UBR4: variants seen among roughly 807,000 people sequenced by gnomAD.
UBR4 encodes E3 ubiquitin-protein ligase UBR4.
UBR4 carries 124 observed loss-of-function variants against 575.6 expected under a neutral mutation model. The observed-to-expected ratio is 0.22, with a 90% CI of 0.19 to 0.25. The LOEUF is 0.25. Ranked by LOEUF, UBR4 falls within the 10% of genes least tolerant of loss-of-function variation. The probability of loss-of-function intolerance (pLI) is 1.00; values close to 1 mark genes in which losing one functional copy is unlikely to be tolerated. For synonymous variants in UBR4, 2,455 were observed against 2,473.7 expected (o/e 0.99, Z 0.22); for missense variants, 4,818 against 6,478.8 (o/e 0.74, Z 8.80).
At chr1:19,095,436 G>A in intron 93 of UBR4, 109 bp downstream of exon 93, 1 of 1,051,242 alleles carries the variant, frequency 9.5e-7, no homozygotes, top group African/African-American at 1.6e-5. Context: ...GAGAGATGAA[G>A]GGCTTGAAGA....
In UBR4 at chr1:19,173,661, T is replaced by C. The variant is rs746460594; in HGVS notation, c.2983-40A>G. ...AGCAGCATAGAGGTAGCACTTGGTA[T>C]GGCCTCAAGATCTCCCTCACAGTAC... On this transcript the variant is annotated intron_variant, in intron 22 of 105. Coordinates refer to ENST00000375254, the MANE Select transcript of UBR4 (RefSeq NM_020765.3). 1.0e-5 allele frequency: 16 copies of C among 1,596,326 alleles called. No homozygotes were observed. In the East Asian group the frequency reaches 1.3e-4, roughly 13 times the overall value.
chr1:19,163,270 C>A (rs1050344259), intron 34 of UBR4, among the ~76,000 whole-genome samples: 1 of 152,182 alleles, frequency 6.6e-6, no homozygotes, highest in Admixed American at 6.5e-5. Context: ...GCCACCTATG[C>A]CAGTTCATGG....
chr1:19,115,277 A>T (rs750595359), intron 74 of UBR4, 121 bp downstream of exon 74: 1 of 1,422,746 alleles, frequency 7.0e-7, no homozygotes, highest in Non-Finnish European at 9.3e-7. Flanking sequence ...CACTCTACAA[A>T]CCCATAATTC....
rs2076833354 is a variant in UBR4, at chr1:19,084,648, T to A, written c.14864A>T (p.Gln4955Leu). Residue 4955 changes from glutamine to leucine, a missense_variant, in exon 102 of 106, where the codon CAG becomes CTG. Physicochemically the swap from Gln to Leu is moderately radical, Grantham distance 113. Transcript: ENST00000375254. Reference sequence around the variant, plus strand: ...CAGTTTGATGTCATGGATGTTGAGCTGATACGTGGGCTCCCGCTGGCCTGT... The same window carrying A: ...CAGTTTGATGTCATGGATGTTGAGCAGATACGTGGGCTCCCGCTGGCCTGT... ...ECTGQREPTY[Q>L]LNIHDIKLLF... The A allele has an allele frequency of 6.2e-7, 1 of 1,613,942 alleles. No homozygotes were observed.
In UBR4 at chr1:19,138,064, T is replaced by C; in HGVS notation, c.8849A>G (p.Asp2950Gly). Residue 2950 changes from aspartate to glycine, a missense_variant, in exon 60 of 106, where the codon GAT becomes GGT. Physicochemically the swap from Asp to Gly is moderately conservative, Grantham distance 94. Around this residue, in one of 29 missense-constraint regions of UBR4, gnomAD observed 87 missense variants for 82.8 expected, o/e 1.05. Transcript: ENST00000375254. ...TCCTTCTCCTTCTCCCTCGGAGCCA[T>C]CTCCCTCCTGGTGCCCAGTGGTGGT... ...ISTTTGHQEGDGSEGEGEGET... is the reference protein window; with the variant it reads ...ISTTTGHQEGGGSEGEGEGET... The C allele has an allele frequency of 1.9e-6, 3 of 1,593,962 alleles. No homozygotes were observed. The highest frequency in any genetic ancestry group is 2.6e-6 in the Non-Finnish European group (3 of 1,167,252).
Position 19,210,121 on chromosome 1 carries a change from G to A in UBR4, c.128C>T (p.Ala43Val). 1 of 1,586,810 alleles carries A rather than the reference G, an allele frequency of 6.3e-7. No individual in the cohort carries two copies. The highest frequency in any genetic ancestry group is 1.1e-5 in the South Asian group (1 of 88,384). Residue 43 changes from alanine to valine, a missense_variant, in exon 1 of 106, where the codon GCC becomes GTC. Ala to Val is a moderately conservative substitution (Grantham distance 64, BLOSUM62 0). Transcript: ENST00000375254. ...VRPLLSASYSAFEMKELPQLV... is the reference protein window; with the variant it reads ...VRPLLSASYSVFEMKELPQLV... ...CTGCGGCAACTCCTTCATCTCGAAG[G>A]CGGAGTAGGACGCGGACAGCAGGGG...
Position 19,076,813 on chromosome 1 carries a change from G to C in UBR4, c.15414C>G (p.Ala5138=), listed in dbSNP as rs769482416. 6.2e-7 allele frequency: 1 copy of C among 1,613,730 alleles called. No individual in the cohort carries two copies. The highest frequency in any genetic ancestry group is 2.2e-5 in the East Asian group (1 of 44,866). The change falls in exon 105 of 106, where the codon GCC becomes GCG. Residue 5138 remains alanine (A), a synonymous_variant. Coordinates refer to ENST00000375254, the MANE Select transcript of UBR4 (RefSeq NM_020765.3). ...CCTGGAAGGTTTTCAGGGCTTTGTCGGCAGCTTCGTAGATGGGCATGTCGT... is the reference window on the plus strand; with the variant it reads ...CCTGGAAGGTTTTCAGGGCTTTGTCCGCAGCTTCGTAGATGGGCATGTCGT... ...RHNDMPIYEA[A]DKALKTFQEE... is the part of the protein sequence containing the mutation.
At chr1:19,156,635 TC>T in intron 41 of UBR4, 131 bp downstream of exon 41, 2 of 1,391,870 alleles carry the variant, frequency 1.4e-6, no homozygotes, top group Non-Finnish European at 1.9e-6. Context: ...AAAGAAAAAT[TC>T]CTTTTGCATT....
chr1:19,124,430 G>C, intron 65 of UBR4, 111 bp downstream of exon 65: 1 of 1,419,558 alleles, frequency 7.0e-7, no homozygotes, highest in South Asian at 1.4e-5. Flanking sequence ...AAGGTGAAAG[G>C]GACTCTGCAA....
chr1:19,143,800 A>G (rs567936121), intron 55 of UBR4, among the ~76,000 whole-genome samples, 180 bp downstream of exon 55: 3 of 152,142 alleles, frequency 2.0e-5, no homozygotes, highest in Non-Finnish European at 4.4e-5. Context: ...CCTACTTACT[A>G]TATACATTTT....
chr1:19,083,788 G>C (rs1291774332), intron 102 of UBR4, among the ~76,000 whole-genome samples: 1 of 152,174 alleles, frequency 6.6e-6, no homozygotes, highest in East Asian at 1.9e-4. Flanking sequence ...CCAAGTGCTG[G>C]GATGACAGGC....
intron 83 of UBR4, among the ~76,000 whole-genome samples, chr1:19,106,070 G>A (rs2079159652): frequency 6.6e-6 from 1 of 152,220 alleles, no homozygotes; most frequent in Non-Finnish European, 1.5e-5. Flanking sequence ...TCCATCAGGA[G>A]ATGTGAAGAA....
intron 81 of UBR4, among the ~76,000 whole-genome samples, chr1:19,108,405 G>A (rs189302155): frequency 1.4e-4 from 22 of 151,796 alleles, no homozygotes; most frequent in Non-Finnish European, 2.1e-4. Flanking sequence ...AAGCACAAGC[G>A]GAGATCCATG....
chr1:19,178,992 TCAAA>T, intron 18 of UBR4, 55 bp downstream of exon 18: 1 of 1,580,300 alleles, frequency 6.3e-7, no homozygotes, highest in Non-Finnish European at 8.6e-7. Flanking sequence ...TACAAAGAAG[TCAAA>T]CAAATAAAAA....
chr1:19,110,625 G>T lies in UBR4; in HGVS notation c.11892+117C>A. On this transcript the variant is annotated intron_variant, in intron 79 of 105. Coordinates refer to ENST00000375254, the MANE Select transcript of UBR4 (RefSeq NM_020765.3). This position sits in a 1 kb window ranked among gnomAD's most constrained non-coding sequence, Gnocchi z 4.5. ...TCTTCCCTGGGAAAACCATTCTGGG[G>T]TAATGTTCTGCTCCTTCCCTCCTCA... 7.2e-7 allele frequency: 1 copy of T among 1,382,228 alleles called. No individual in the cohort carries two copies. Among genetic ancestry groups the T allele is most frequent in the Non-Finnish European group, 1.0e-6 (1 of 974,860 alleles). The allele number at this position is 1,382,228 out of a possible 1,614,324, so 85.6% of individuals were successfully genotyped here. A position where few individuals can be genotyped will look rare whatever the true frequency, so the allele number is the denominator to read the frequency against.
chr1:19,173,632 G>C lies in UBR4; in HGVS notation c.2983-11C>G. 1 of 1,613,730 alleles carries C rather than the reference G, an allele frequency of 6.2e-7. No homozygotes were observed. The highest frequency in any genetic ancestry group is 1.3e-5 in the African/African-American group (1 of 75,044). On this transcript the variant is annotated splice_polypyrimidine_tract_variant and intron_variant, in intron 22 of 105. Coordinates refer to ENST00000375254, the MANE Select transcript of UBR4 (RefSeq NM_020765.3). Reference sequence around the variant, plus strand: ...AAGGGCACAGGCCTCCTGGAGAAAGGAAAAGCAGCATAGAGGTAGCACTTG... The same window carrying C: ...AAGGGCACAGGCCTCCTGGAGAAAGCAAAAGCAGCATAGAGGTAGCACTTG...
intron 70 of UBR4, among the ~76,000 whole-genome samples, 195 bp from the exon 71 acceptor site, chr1:19,119,152 G>C (rs1185126057): frequency 6.6e-6 from 1 of 152,196 alleles, no homozygotes; most frequent in Admixed American, 6.5e-5. Flanking sequence ...ATGAGCTTTA[G>C]TGATAGGTAG....
intron 60 of UBR4, among the ~76,000 whole-genome samples, chr1:19,135,571 T>C (rs1433646013): frequency 6.6e-6 from 1 of 152,208 alleles, no homozygotes; most frequent in East Asian, 1.9e-4. Flanking sequence ...TTGTACAGTG[T>C]TCAGAGTAGA....
intron 26 of UBR4, 58 bp downstream of exon 26, chr1:19,170,704 G>A: frequency 6.2e-7 from 1 of 1,611,686 alleles, no homozygotes; most frequent in Non-Finnish European, 8.5e-7. Flanking sequence ...AGAAGCCATA[G>A]TACTAGCAGT....
Sources: gnomAD v4.1 joint callset for allele counts (sites outside exome capture counted in the v4.1 genomes callset) on GRCh38, gnomAD v4.1.1 for gene constraint, gnomAD v4.1.1 regional missense constraint, Gnocchi (gnomAD v3.1) non-coding constraint, MANE v1.5 for transcripts, NCBI Gene and HGNC (gene_info 2026-07-23, HGNC 2026-07-21) for gene names.